The following RFX8 variants were observed in gnomAD, a reference collection of about 807,000 sequenced individuals.
The protein encoded by RFX8 is regulatory factor X8.
A neutral mutation model predicts 54.6 loss-of-function variants in RFX8; 46 were observed. The observed-to-expected ratio is 0.84, with a 90% CI of 0.67 to 1.08. The LOEUF (loss-of-function observed/expected upper bound fraction) is 1.08. Among genes scored for constraint, RFX8 ranks in the 50% least tolerant of loss-of-function variants. The pLI, the probability that RFX8 is intolerant of heterozygous loss-of-function variation, is 0.00. For synonymous variants in RFX8, 192 were observed against 209.5 expected, an observed-to-expected ratio of 0.92 and a Z score of 0.72; for missense variants, 536 against 562.3, an observed-to-expected ratio of 0.95 and a Z score of 0.47.
At chr2:101,466,931 T>C (rs11680478) in intron 1 of RFX8, 31 bp from the exon 2 acceptor site, 269,461 of 1,002,430 alleles carry the variant, frequency 0.27, 39,700 homozygotes, top group Admixed American at 0.5. Flanking sequence ...GAGGAGGAAA[T>C]TGGCATTTGT....
At chr2:101,454,601 AGAT>A (rs1212216499) in intron 2 of RFX8, among the ~76,000 whole-genome samples, 1 of 152,234 alleles carries the variant, frequency 6.6e-6, no homozygotes, top group Non-Finnish European at 1.5e-5. Flanking sequence ...AACCAGCGTA[AGAT>A]GATATCTCAT....
chr2:101,424,483 G>A (rs951209968), intron 2 of RFX8, among the ~76,000 whole-genome samples: 6 of 152,306 alleles, frequency 3.9e-5, no homozygotes, highest in Non-Finnish European at 5.9e-5. Context: ...TCTAGAACTA[G>A]AAATACCATT....
chr2:101,455,099 C>T (rs1184575007), intron 2 of RFX8, among the ~76,000 whole-genome samples: 1 of 151,242 alleles, frequency 6.6e-6, no homozygotes, highest in African/African-American at 2.4e-5. Context: ...CTACCTCCGC[C>T]TCCCAGGTTC....
chr2:101,441,176 T>C (rs1165728167), intron 2 of RFX8, among the ~76,000 whole-genome samples: 2 of 152,170 alleles, frequency 1.3e-5, no homozygotes, highest in African/African-American at 2.4e-5. Context: ...TTCACCGTGT[T>C]AGCCAGGATG....
chr2:101,411,527 G>T (rs2104547579), intron 8 of RFX8, among the ~76,000 whole-genome samples: 1 of 152,272 alleles, frequency 6.6e-6, no homozygotes, highest in East Asian at 1.9e-4. Flanking sequence ...GCCCTCCTGG[G>T]ACTCCCTGTG....
intron 2 of RFX8, among the ~76,000 whole-genome samples, chr2:101,432,955 T>C (rs955599167): frequency 6.6e-6 from 1 of 152,110 alleles, no homozygotes; most frequent in Non-Finnish European, 1.5e-5. Context: ...CCCCCTTTAG[T>C]GACTGCTCCT....
chr2:101,473,038 G>C (rs1178449953), intron 1 of RFX8, among the ~76,000 whole-genome samples: 2 of 151,940 alleles, frequency 1.3e-5, no homozygotes, highest in Non-Finnish European at 2.9e-5. Context: ...AGAGAGAAAA[G>C]AAAGAAAGGA....
intron 2 of RFX8, among the ~76,000 whole-genome samples, chr2:101,464,305 C>T (rs1689452435): frequency 6.6e-6 from 1 of 152,192 alleles, no homozygotes; most frequent in Admixed American, 6.5e-5. Flanking sequence ...AAAACATCAG[C>T]AAATGTTATT....
intron 11 of RFX8, among the ~76,000 whole-genome samples, chr2:101,400,101 C>T (rs1685345011): frequency 6.6e-6 from 1 of 152,162 alleles, no homozygotes; most frequent in Admixed American, 6.5e-5. Flanking sequence ...CATTTAAACG[C>T]TCAGCTCCGG....
Position 101,417,804 on chromosome 2 carries a change from T to C in RFX8, c.352-120A>G, listed in dbSNP as rs72973929. The C allele has an allele frequency of 1.8e-4, 125 of 708,270 alleles. 1 individual carries two copies. The African/African-American group carries it at 1.9e-3, about 11-fold the overall frequency. The allele number at this position is 708,270 out of a possible 1,614,324, so 43.9% of individuals were successfully genotyped here. On this transcript the variant is annotated intron_variant, in intron 5 of 11. Transcript: ENST00000428343. Reference sequence around the variant, plus strand: ...GTCTGAGAGCGGGTCCCCACCCAGGTTGAAGGGGCAGCACCATGCAACGTG... The same window carrying C: ...GTCTGAGAGCGGGTCCCCACCCAGGCTGAAGGGGCAGCACCATGCAACGTG...
At chr2:101,417,357 A>T (rs1010715350) in intron 6 of RFX8, among the ~76,000 whole-genome samples, 177 bp downstream of exon 6, 1 of 142,580 alleles carries the variant, frequency 7.0e-6, no homozygotes, top group African/African-American at 2.7e-5. Flanking sequence ...GGTGTGTGCC[A>T]CCACACTCAG....
chr2:101,421,276 C>T, intron 4 of RFX8: 1 of 986,216 alleles, frequency 1.0e-6, no homozygotes, highest in Non-Finnish European at 1.2e-6. Flanking sequence ...TCATGTTTTC[C>T]ACAGCCAATT....
chr2:101,406,306 C>T (rs1481619647), intron 9 of RFX8, among the ~76,000 whole-genome samples: 2 of 151,496 alleles, frequency 1.3e-5, no homozygotes, highest in African/African-American at 2.4e-5. Flanking sequence ...AGGAAATTGG[C>T]TCACTTTTTC....
At position 101,400,124 on chromosome 2, in the gene RFX8, G is replaced by T. The variant is rs927997961; in HGVS notation, c.1245+2312C>A. ...CGCTCAGCTCCGGGAGACTGTCAGC[G>T]TCTGCTCTTCACGCCTTCTAACTGT... On this transcript the variant is annotated intron_variant, in intron 11 of 11. Coordinates refer to ENST00000428343, the MANE Select transcript of RFX8 (RefSeq NM_001145664.2). Among the ~76,000 whole-genome samples, 5 of 152,306 alleles carry T rather than the reference G, an allele frequency of 3.3e-5. No individual in the cohort carries two copies. The East Asian group carries it at 7.7e-4, about 23-fold the overall frequency.
intron 11 of RFX8, among the ~76,000 whole-genome samples, chr2:101,399,089 T>C (rs1685284714): frequency 6.6e-6 from 1 of 152,224 alleles, no homozygotes; most frequent in South Asian, 2.1e-4. Context: ...CATCTGACTA[T>C]TTTGAACGCC....
At chr2:101,470,249 C>A (rs1273340709) in intron 1 of RFX8, among the ~76,000 whole-genome samples, 3 of 152,164 alleles carry the variant, frequency 2.0e-5, no homozygotes, top group Admixed American at 1.3e-4. Flanking sequence ...CCGTGGCTTG[C>A]ACACAGAAGC....
At chr2:101,425,834 T>G (rs1558858928) in intron 2 of RFX8, among the ~76,000 whole-genome samples, 2 of 152,138 alleles carry the variant, frequency 1.3e-5, no homozygotes, top group Admixed American at 1.3e-4. Context: ...TGCAGGAGAT[T>G]CGCTACAGCA....
intron 11 of RFX8, among the ~76,000 whole-genome samples, chr2:101,398,109 C>T (rs993526369): frequency 2.0e-5 from 3 of 152,316 alleles, no homozygotes; most frequent in Non-Finnish European, 2.9e-5. Context: ...CCACCTGCCT[C>T]AGCCTCCCAA....
intron 1 of RFX8, among the ~76,000 whole-genome samples, chr2:101,470,889 T>C (rs1294764887): frequency 6.6e-6 from 1 of 150,418 alleles, no homozygotes; most frequent in Non-Finnish European, 1.5e-5. Flanking sequence ...CCGGCTAATT[T>C]TTTGTATATT....
Sources: gnomAD v4.1 joint callset for allele counts (sites outside exome capture counted in the v4.1 genomes callset) on GRCh38, gnomAD v4.1.1 for gene constraint, MANE v1.5 for transcripts, NCBI Gene and HGNC (gene_info 2026-07-23, HGNC 2026-07-21) for gene names.